The following AKAP13 variants were observed in gnomAD, a reference collection of about 807,000 sequenced individuals.
AKAP13 encodes A-kinase anchoring protein 13, also known as A-kinase anchor protein 13.
Under a neutral mutation model 264.5 loss-of-function variants are expected in AKAP13, and 80 were observed. The ratio of observed to expected loss-of-function variants is 0.30; its 90% confidence interval spans 0.25 to 0.36. The LOEUF is 0.36. Ranked by LOEUF, AKAP13 falls within the 10% of genes least tolerant of loss-of-function variation. The pLI, the probability that AKAP13 is intolerant of heterozygous loss-of-function variation, is 1.00. For missense variants in AKAP13, 3,712 were observed against 3,435.2 expected, an observed-to-expected ratio of 1.08 and a Z score of -2.01; for synonymous variants, 1,380 against 1,250.2, an observed-to-expected ratio of 1.10 and a Z score of -2.19.
chr15:85,655,298 C>A, intron 10 of AKAP13, 119 bp from the exon 11 acceptor site: 1 of 1,288,612 alleles, frequency 7.8e-7, no homozygotes, highest in Non-Finnish European at 1.0e-6. Flanking sequence ...GTCTCTGAGG[C>A]CAATTATGAT....
At chr15:85,526,123 G>A (rs1158125069) in intron 3 of AKAP13, among the ~76,000 whole-genome samples, 5 of 152,084 alleles carry the variant, frequency 3.3e-5, no homozygotes, top group African/African-American at 1.2e-4. Flanking sequence ...ACTTTATAAA[G>A]TAGATTTGTC....
intron 5 of AKAP13, among the ~76,000 whole-genome samples, chr15:85,556,610 T>G (rs2078158123): frequency 6.6e-6 from 1 of 152,234 alleles, no homozygotes; most frequent in African/African-American, 2.4e-5. Context: ...CTGTGAAATC[T>G]GAACCTGGTG....
intron 2 of AKAP13, among the ~76,000 whole-genome samples, chr15:85,498,045 G>T (rs191506805): frequency 1.3e-5 from 2 of 152,132 alleles, no homozygotes; most frequent in African/African-American, 4.8e-5. Context: ...AGGAGCCACA[G>T]AATGGCCACT....
At chr15:85,461,927 G>A (rs1331831225) in intron 1 of AKAP13, among the ~76,000 whole-genome samples, 2 of 152,162 alleles carry the variant, frequency 1.3e-5, no homozygotes, top group African/African-American at 2.4e-5. Context: ...TTTATTAAAT[G>A]AAATAAAATT....
chr15:85,723,988 T>G (rs959955093), intron 26 of AKAP13, among the ~76,000 whole-genome samples: 1 of 152,206 alleles, frequency 6.6e-6, no homozygotes, highest in African/African-American at 2.4e-5. Flanking sequence ...TACATTTGAT[T>G]TTTTTTGTTT....
At chr15:85,562,634 C>T (rs947098164) in intron 5 of AKAP13, among the ~76,000 whole-genome samples, 6 of 144,004 alleles carry the variant, frequency 4.2e-5, no homozygotes, top group African/African-American at 1.5e-4. Context: ...AATCCTTGAG[C>T]CTCTGTAAGA....
At chr15:85,636,370 G>A (rs2082071387) in intron 8 of AKAP13, among the ~76,000 whole-genome samples, 2 of 152,058 alleles carry the variant, frequency 1.3e-5, no homozygotes, top group South Asian at 2.1e-4. Context: ...CTTTCCAATG[G>A]TATGCGTTTT....
At chr15:85,721,220 G>C (rs1159181836) in intron 23 of AKAP13, among the ~76,000 whole-genome samples, 1 of 152,194 alleles carries the variant, frequency 6.6e-6, no homozygotes. Flanking sequence ...TGTGCCAGTG[G>C]TAGGATCAAC....
chr15:85,652,477 G>C (rs192717754), intron 10 of AKAP13, among the ~76,000 whole-genome samples: 1 of 152,112 alleles, frequency 6.6e-6, no homozygotes, highest in Non-Finnish European at 1.5e-5. Context: ...AGTCTTTTTT[G>C]TGTGTTTTAG....
At chr15:85,671,976 G>A (rs755673141) in intron 14 of AKAP13, among the ~76,000 whole-genome samples, 11 of 152,014 alleles carry the variant, frequency 7.2e-5, no homozygotes, top group African/African-American at 2.4e-4. Context: ...CACAAAACAC[G>A]GTGCTTTTTG....
At chr15:85,713,449 C>T (rs2086736070) in intron 19 of AKAP13, among the ~76,000 whole-genome samples, 1 of 152,086 alleles carries the variant, frequency 6.6e-6, no homozygotes, top group African/African-American at 2.4e-5. Flanking sequence ...GTGTTTTCTT[C>T]CTCCATCAGA....
intron 1 of AKAP13, among the ~76,000 whole-genome samples, chr15:85,458,125 C>T (rs2074346396): frequency 7.1e-6 from 1 of 140,688 alleles, no homozygotes; most frequent in Admixed American, 7.4e-5. Flanking sequence ...GATGACAGAG[C>T]GAGACTCCAT....
chr15:85,733,302 T>C (rs1482636815), intron 30 of AKAP13, among the ~76,000 whole-genome samples: 1 of 152,208 alleles, frequency 6.6e-6, no homozygotes, highest in Non-Finnish European at 1.5e-5. Context: ...GTTTTATTTT[T>C]TTTTCTGGCA....
At chr15:85,521,685 A>T in intron 3 of AKAP13, 110 bp downstream of exon 3, 1 of 1,211,358 alleles carries the variant, frequency 8.3e-7, no homozygotes, top group South Asian at 2.1e-5. Flanking sequence ...CAGTATAAAA[A>T]AATTTATTAG....
At chr15:85,411,438 C>T (rs2071960417) in intron 1 of AKAP13, among the ~76,000 whole-genome samples, 1 of 152,034 alleles carries the variant, frequency 6.6e-6, no homozygotes. Flanking sequence ...TTAAGGTGAA[C>T]TAACTGCTTT....
chr15:85,554,698 G>T (rs1184131041), intron 5 of AKAP13, among the ~76,000 whole-genome samples: 2 of 151,932 alleles, frequency 1.3e-5, no homozygotes, highest in Non-Finnish European at 2.9e-5. Context: ...CGTTTCGGGT[G>T]TCCAGACAGC....
intron 27 of AKAP13, among the ~76,000 whole-genome samples, chr15:85,726,826 C>G (rs1422046694): frequency 6.6e-6 from 1 of 152,196 alleles, no homozygotes; most frequent in Non-Finnish European, 1.5e-5. Flanking sequence ...TGGAAAGATT[C>G]ATCGTGTGGA....
intron 2 of AKAP13, among the ~76,000 whole-genome samples, chr15:85,507,518 A>T (rs927254664): frequency 2.0e-5 from 3 of 152,246 alleles, no homozygotes; most frequent in South Asian, 2.1e-4. Flanking sequence ...GGGATTAAAA[A>T]GGAAACATTT....
chr15:85,406,819 A>C (rs1040917456), intron 1 of AKAP13, among the ~76,000 whole-genome samples: 4 of 151,736 alleles, frequency 2.6e-5, no homozygotes, highest in African/African-American at 9.8e-5. Context: ...AGAAAAATGC[A>C]TAATAAAAGC....
Sources: gnomAD v4.1 joint callset for allele counts (sites outside exome capture counted in the v4.1 genomes callset) on GRCh38, gnomAD v4.1.1 for gene constraint, MANE v1.5 for transcripts, NCBI Gene and HGNC (gene_info 2026-07-23, HGNC 2026-07-21) for gene names.